Variants in PIP4K2A observed in about 807,000 individuals in gnomAD.
PIP4K2A encodes the protein phosphatidylinositol 5-phosphate 4-kinase type-2 alpha.
In PIP4K2A, 14 loss-of-function variants were observed where a neutral mutation model predicts 42.9. The ratio of observed to expected loss-of-function variants is 0.33; its 90% CI spans 0.22 to 0.51. The LOEUF is 0.51. Ranked by LOEUF, PIP4K2A falls within the 20% of genes least tolerant of loss-of-function variation. The probability of loss-of-function intolerance (pLI) is 0.97; values close to 1 mark genes in which losing one functional copy is unlikely to be tolerated. For missense variants in PIP4K2A, 434 were observed against 519.8 expected, an observed-to-expected ratio of 0.83 and a Z score of 1.61; for synonymous variants, 192 against 192.2, an observed-to-expected ratio of 1.00 and a Z score of 0.01.
At chr10:22,564,909 A>G (rs545881536) in intron 6 of PIP4K2A, among the ~76,000 whole-genome samples, 1 of 152,288 alleles carries the variant, frequency 6.6e-6, no homozygotes, top group African/African-American at 2.4e-5. Context: ...GCCTCACGAA[A>G]GCATCTGACG....
At chr10:22,571,370 T>G (rs138863378) in intron 5 of PIP4K2A, among the ~76,000 whole-genome samples, 1 of 152,310 alleles carries the variant, frequency 6.6e-6, no homozygotes, top group African/African-American at 2.4e-5. Context: ...AGATTCCAAG[T>G]AAAAAACTGA....
chr10:22,560,437 C>T lies in PIP4K2A; in HGVS notation c.678+7414G>A, dbSNP rs149652707. Among the ~76,000 whole-genome samples the T allele has an allele frequency of 6.9e-3, 1,057 of 152,284 alleles. 11 individuals are homozygous for T. The highest frequency in any genetic ancestry group is 0.024 in the African/African-American group (991 of 41,534). ...CAATTTAAAGACCACAAAAGAAATG[C>T]TGAAAACTGGTTTCGAAAAGCATTT... is the stretch of plus-strand genomic sequence containing the variant. On this transcript the variant is annotated intron_variant, in intron 6 of 9. Transcript: ENST00000376573.
intron 3 of PIP4K2A, among the ~76,000 whole-genome samples, chr10:22,605,459 G>C (rs1410711831): frequency 1.3e-5 from 2 of 152,192 alleles, no homozygotes; most frequent in African/African-American, 4.8e-5. Context: ...GCGAAAAAAA[G>C]GGAAGGAAAA....
intron 1 of PIP4K2A, among the ~76,000 whole-genome samples, chr10:22,635,360 T>C (rs899188640): frequency 3.3e-5 from 5 of 152,140 alleles, no homozygotes; most frequent in Non-Finnish European, 7.3e-5. Context: ...AAGGGCTTTG[T>C]GGGAGCTCTC....
intron 1 of PIP4K2A, among the ~76,000 whole-genome samples, chr10:22,616,579 G>C (rs1028931912): frequency 6.6e-6 from 1 of 152,008 alleles, no homozygotes; most frequent in Non-Finnish European, 1.5e-5. Flanking sequence ...CTGAGCCCAA[G>C]ATACTTTCAA....
At chr10:22,672,175 G>C (rs1442876140) in intron 1 of PIP4K2A, among the ~76,000 whole-genome samples, 1 of 151,946 alleles carries the variant, frequency 6.6e-6, no homozygotes, top group Non-Finnish European at 1.5e-5. Context: ...AAGGAGGCCA[G>C]CTATCTAACA....
intron 1 of PIP4K2A, chr10:22,713,968 A>T (rs1189560854): frequency 2.5e-6 from 1 of 405,766 alleles, no homozygotes; most frequent in Non-Finnish European, 4.4e-6. Flanking sequence ...GCACCGGGCC[A>T]TAGATCTAAA....
intron 3 of PIP4K2A, among the ~76,000 whole-genome samples, chr10:22,594,516 C>T (rs1969907): frequency 0.58 from 87,636 of 152,074 alleles, 25,948 homozygotes; most frequent in East Asian, 0.94. Flanking sequence ...GTGCCTCTGC[C>T]TCCTGAGTAG....
chr10:22,628,541 G>C (rs1267445572), intron 1 of PIP4K2A, among the ~76,000 whole-genome samples: 1 of 152,178 alleles, frequency 6.6e-6, no homozygotes, highest in Non-Finnish European at 1.5e-5. Flanking sequence ...AGAGCCTTCA[G>C]GAAATCTTAA....
chr10:22,640,014 C>CTTT (rs71395806), intron 1 of PIP4K2A, among the ~76,000 whole-genome samples: 17 of 92,356 alleles, frequency 1.8e-4, no homozygotes, highest in East Asian at 1.2e-3. Flanking sequence ...GATGTGTTGT[C>CTTT]TTTTTTTTTT....
intron 6 of PIP4K2A, among the ~76,000 whole-genome samples, chr10:22,553,933 C>T (rs568992992): frequency 1.3e-5 from 2 of 151,384 alleles, no homozygotes; most frequent in African/African-American, 2.4e-5. Flanking sequence ...CCCAGAAGTT[C>T]GAGACCAGTC....
chr10:22,707,112 G>C (rs1052767964), intron 1 of PIP4K2A, among the ~76,000 whole-genome samples: 1 of 152,162 alleles, frequency 6.6e-6, no homozygotes, highest in Non-Finnish European at 1.5e-5. Context: ...GCAAGACCCT[G>C]TCTCTATTTT....
intron 7 of PIP4K2A, among the ~76,000 whole-genome samples, chr10:22,545,898 A>T (rs1836249211): frequency 6.6e-6 from 1 of 152,090 alleles, no homozygotes; most frequent in South Asian, 2.1e-4. Context: ...TGGAGACAGG[A>T]TCTTGCTGTG....
intron 3 of PIP4K2A, among the ~76,000 whole-genome samples, chr10:22,598,406 A>C (rs1385972769): frequency 6.6e-6 from 1 of 152,220 alleles, no homozygotes; most frequent in Non-Finnish European, 1.5e-5. Flanking sequence ...CTATCAGTTC[A>C]AAAGTGACAG....
intron 1 of PIP4K2A, among the ~76,000 whole-genome samples, chr10:22,648,187 A>T (rs907862148): frequency 3.9e-5 from 6 of 152,240 alleles, no homozygotes; most frequent in Non-Finnish European, 7.3e-5. Context: ...TCTTTCCTGC[A>T]AAGGTTGTAT....
At chr10:22,678,768 T>C (rs1486308616) in intron 1 of PIP4K2A, among the ~76,000 whole-genome samples, 2 of 152,132 alleles carry the variant, frequency 1.3e-5, no homozygotes, top group Non-Finnish European at 2.9e-5. Context: ...AAATAATAAA[T>C]GTACACAGTT....
intron 6 of PIP4K2A, among the ~76,000 whole-genome samples, chr10:22,551,861 C>T (rs1175903132): frequency 6.6e-6 from 1 of 152,204 alleles, no homozygotes; most frequent in Non-Finnish European, 1.5e-5. Flanking sequence ...AAAGAACACT[C>T]CCTGGGTCCA....
At chr10:22,606,549 A>G (rs1837911112) in intron 3 of PIP4K2A, among the ~76,000 whole-genome samples, 1 of 152,178 alleles carries the variant, frequency 6.6e-6, no homozygotes, top group African/African-American at 2.4e-5. Context: ...CTCATGCCTG[A>G]GTAAACATAT....
chr10:22,686,632 T>C (rs1277604669), intron 1 of PIP4K2A, among the ~76,000 whole-genome samples: 1 of 152,150 alleles, frequency 6.6e-6, no homozygotes, highest in Non-Finnish European at 1.5e-5. Flanking sequence ...AACTAATTAG[T>C]TAAAAAAATT....
Sources: gnomAD v4.1 joint callset for allele counts (sites outside exome capture counted in the v4.1 genomes callset) on GRCh38, gnomAD v4.1.1 for gene constraint, MANE v1.5 for transcripts, NCBI Gene and HGNC (gene_info 2026-07-23, HGNC 2026-07-21) for gene names.